Variants in VKORC1L1 observed in about 807,000 individuals in gnomAD.
VKORC1L1 encodes vitamin K epoxide reductase complex subunit 1L1, also known as vitamin K epoxide reductase complex subunit 1-like protein 1.
In VKORC1L1, 2 loss-of-function variants were observed where a neutral mutation model predicts 18.9. The observed-to-expected ratio is 0.11, with a 90% CI of 0.04 to 0.33. The LOEUF (loss-of-function observed/expected upper bound fraction) is 0.33, where lower values mean the gene tolerates loss of function less well. Among genes scored for constraint, VKORC1L1 ranks in the 10% least tolerant of loss-of-function variants. The pLI is 1.00. For synonymous variants in VKORC1L1, 96 were observed against 100.0 expected, an observed-to-expected ratio of 0.96 and a Z score of 0.24; for missense variants, 123 against 224.1, an observed-to-expected ratio of 0.55 and a Z score of 2.88.
chr7:65,946,836 T>C (rs1240750050), intron 1 of VKORC1L1, among the ~76,000 whole-genome samples: 1 of 152,094 alleles, frequency 6.6e-6, no homozygotes, highest in Non-Finnish European at 1.5e-5. Context: ...TTTATGTTCT[T>C]TGAAATGTAT....
At chr7:65,886,862 T>C (rs1240118754) in intron 1 of VKORC1L1, among the ~76,000 whole-genome samples, 1 of 140,460 alleles carries the variant, frequency 7.1e-6, no homozygotes, top group African/African-American at 2.7e-5. Flanking sequence ...TTTTTTTTTT[T>C]TTTCTGAGAC....
At chr7:65,936,889 G>A (rs1303605557) in intron 1 of VKORC1L1, among the ~76,000 whole-genome samples, 1 of 152,194 alleles carries the variant, frequency 6.6e-6, no homozygotes, top group Non-Finnish European at 1.5e-5. Context: ...GAAAAGAGAA[G>A]AAACAACAGG....
intron 1 of VKORC1L1, among the ~76,000 whole-genome samples, chr7:65,882,058 C>T (rs1387037099): frequency 1.3e-5 from 2 of 151,186 alleles, no homozygotes; most frequent in African/African-American, 2.4e-5. Flanking sequence ...CCAGCCTGAG[C>T]GACAGAGCAA....
intron 1 of VKORC1L1, among the ~76,000 whole-genome samples, chr7:65,915,813 C>T (rs1789579734): frequency 1.3e-5 from 2 of 151,878 alleles, no homozygotes. Flanking sequence ...AGCTGCAATA[C>T]TTGTATAAGA....
At chr7:65,876,862 A>G (rs1357804091) in intron 1 of VKORC1L1, among the ~76,000 whole-genome samples, 2 of 152,330 alleles carry the variant, frequency 1.3e-5, no homozygotes, top group East Asian at 1.9e-4. Flanking sequence ...CCTGGGCAAC[A>G]GGGCAAAACC....
intron 1 of VKORC1L1, among the ~76,000 whole-genome samples, chr7:65,903,787 A>T (rs1490104586): frequency 6.6e-6 from 1 of 152,010 alleles, no homozygotes; most frequent in Admixed American, 6.6e-5. Flanking sequence ...AAAAAAAAAA[A>T]AAAAAGGCCT....
At chr7:65,884,228 A>G (rs1052741795) in intron 1 of VKORC1L1, among the ~76,000 whole-genome samples, 1 of 152,216 alleles carries the variant, frequency 6.6e-6, no homozygotes, top group Non-Finnish European at 1.5e-5. Context: ...TGTGACTATG[A>G]AGTGTACCAG....
At chr7:65,895,499 A>G (rs1367041192) in intron 1 of VKORC1L1, among the ~76,000 whole-genome samples, 1 of 109,212 alleles carries the variant, frequency 9.2e-6, no homozygotes, top group Non-Finnish European at 1.9e-5. Flanking sequence ...ATATATATAT[A>G]TATATATATA....
At chr7:65,934,519 C>G (rs1789909444) in intron 1 of VKORC1L1, among the ~76,000 whole-genome samples, 1 of 152,054 alleles carries the variant, frequency 6.6e-6, no homozygotes, top group South Asian at 2.1e-4. Flanking sequence ...TATCCTTTGA[C>G]CACCATCTCT....
chr7:65,897,118 G>T (rs577028051), intron 1 of VKORC1L1, among the ~76,000 whole-genome samples: 2 of 152,304 alleles, frequency 1.3e-5, no homozygotes, highest in Admixed American at 1.3e-4. Flanking sequence ...TGTTCAAAGG[G>T]CTAATTTCCT....
intron 1 of VKORC1L1, among the ~76,000 whole-genome samples, chr7:65,895,528 C>T (rs1789195213): frequency 1.5e-5 from 2 of 129,372 alleles, no homozygotes; most frequent in Non-Finnish European, 3.2e-5. Context: ...CACACACACA[C>T]ACACACACAC....
upstream of VKORC1L1, among the ~76,000 whole-genome samples, chr7:65,870,110 CCATT>C (rs1050419587): frequency 8.6e-5 from 13 of 151,438 alleles, no homozygotes; most frequent in African/African-American, 1.2e-4. Context: ...TTTTGAGTGT[CCATT>C]CATTCATTCA....
chr7:65,873,847 G>A (rs560848704), intron 1 of VKORC1L1, among the ~76,000 whole-genome samples: 56 of 152,200 alleles, frequency 3.7e-4, no homozygotes, highest in African/African-American at 1.2e-3. Context: ...CGGACGCGGA[G>A]CGGTCGGGCG....
rs1291593983 is a variant in VKORC1L1 at position 65,958,281 on chromosome 7, C to CTAAG, written c.*3984_*3987dup. ...GTTATAAAACTGTATTAAGCATGGC[C>CTAAG]TAAGTATTTATTAGGTATATGATCT... On this transcript the variant is annotated 3_prime_UTR_variant, in exon 3 of 3. Transcript: ENST00000360768. 6.6e-6 allele frequency: 1 copy of CTAAG among 152,120 alleles called. No homozygotes were observed. Among genetic ancestry groups the CTAAG allele is most frequent in the African/African-American group, 2.4e-5 (1 of 41,418 alleles). The allele number at this position is 152,120 out of a possible 1,614,324, so 9.4% of individuals were successfully genotyped here. A position where few individuals can be genotyped will look rare whatever the true frequency, so the allele number is the denominator to read the frequency against.
chr7:65,907,165 C>T (rs1286188615), intron 1 of VKORC1L1, among the ~76,000 whole-genome samples: 1 of 152,082 alleles, frequency 6.6e-6, no homozygotes, highest in Non-Finnish European at 1.5e-5. Context: ...TTTGGCCAGG[C>T]TCGGTGGCTC....
intron 1 of VKORC1L1, among the ~76,000 whole-genome samples, chr7:65,917,404 C>T (rs1789606606): frequency 2.0e-5 from 3 of 152,244 alleles, no homozygotes; most frequent in African/African-American, 7.2e-5. Flanking sequence ...TAAGTCTCTC[C>T]ATGATTTGTC....
intron 1 of VKORC1L1, among the ~76,000 whole-genome samples, chr7:65,918,139 A>G (rs1322294966): frequency 1.3e-5 from 2 of 152,198 alleles, no homozygotes; most frequent in African/African-American, 2.4e-5. Flanking sequence ...GCAACCTCCT[A>G]GAGATAACCA....
intron 1 of VKORC1L1, among the ~76,000 whole-genome samples, chr7:65,921,231 C>T (rs767095290): frequency 5.3e-5 from 8 of 152,050 alleles, no homozygotes; most frequent in Non-Finnish European, 1.0e-4. Flanking sequence ...TTTATATGTT[C>T]AATTTAATTA....
chr7:65,931,642 TTTTC>T (rs1789859327), intron 1 of VKORC1L1, among the ~76,000 whole-genome samples: 2 of 152,160 alleles, frequency 1.3e-5, no homozygotes, highest in African/African-American at 4.8e-5. Flanking sequence ...GGTTTATTGA[TTTTC>T]TTTTTCTTTT....
Sources: allele counts gnomAD v4.1 joint callset (sites outside exome capture counted in the v4.1 genomes callset), GRCh38; gene constraint gnomAD v4.1.1; transcripts MANE v1.5; gene names NCBI Gene and HGNC (gene_info 2026-07-23, HGNC 2026-07-21).